Variants in TP53BP2 observed in about 807,000 individuals in gnomAD.
TP53BP2 encodes the protein apoptosis-stimulating of p53 protein 2.
Under a neutral mutation model 126.2 loss-of-function variants are expected in TP53BP2, and 62 were observed. That is an observed-to-expected ratio of 0.49 (90% CI 0.40 to 0.61). TP53BP2 has a LOEUF of 0.61. TP53BP2 is among the 20% of genes least tolerant of loss of function. The pLI, the probability that TP53BP2 is intolerant of heterozygous loss-of-function variation, is 0.00. For synonymous variants in TP53BP2, 485 were observed against 502.9 expected, an observed-to-expected ratio of 0.96 and a Z score of 0.48; for missense variants, 1,215 against 1,402.8, an observed-to-expected ratio of 0.87 and a Z score of 2.14.
chr1:223,812,022 T>C (rs1021973988), intron 3 of TP53BP2, among the ~76,000 whole-genome samples: 13 of 65,302 alleles, frequency 2.0e-4, no homozygotes, highest in African/African-American at 3.9e-4. Flanking sequence ...GTGATGTAAA[T>C]AGAGAACAAA....
intron 1 of TP53BP2, among the ~76,000 whole-genome samples, chr1:223,835,148 T>C (rs991413859): frequency 3.9e-5 from 6 of 152,238 alleles, no homozygotes; most frequent in African/African-American, 9.6e-5. Flanking sequence ...GATGTTCACA[T>C]CCTGAAGCAT....
At chr1:223,808,540 CAAA>C (rs34273651) in intron 4 of TP53BP2, among the ~76,000 whole-genome samples, 7 of 110,816 alleles carry the variant, frequency 6.3e-5, no homozygotes, top group Admixed American at 2.8e-4. Flanking sequence ...GACTCTGTAT[CAAA>C]AAAAAAAAAA....
intron 16 of TP53BP2, among the ~76,000 whole-genome samples, chr1:223,786,731 C>T (rs571928683): frequency 2.8e-4 from 43 of 151,666 alleles, no homozygotes; most frequent in African/African-American, 1.0e-3. Flanking sequence ...CTCGGCCTCC[C>T]GAATAGCTGG....
chr1:223,813,311 C>CA (rs993007145), intron 3 of TP53BP2, among the ~76,000 whole-genome samples: 8 of 152,296 alleles, frequency 5.3e-5, no homozygotes, highest in Non-Finnish European at 1.0e-4. Flanking sequence ...TTCAGGGCCC[C>CA]ACCTGGGACC....
Position 223,780,817 on chromosome 1 carries a change from T to C in TP53BP2, c.*36A>G. On this transcript the variant is annotated 3_prime_UTR_variant, in exon 18 of 18. Transcript: ENST00000343537. ...TCGTATTACTTCTTCTTAACAGAGA[T>C]TAATTCTTCATTGACTAAAATTCTG... 1 of 1,605,814 alleles carries C rather than the reference T, an allele frequency of 6.2e-7. No individual in the cohort carries two copies. The highest frequency in any genetic ancestry group is 1.8e-4 in the Middle Eastern group (1 of 5,680).
At chr1:223,807,305 G>A (rs996550010) in intron 4 of TP53BP2, among the ~76,000 whole-genome samples, 12 of 152,052 alleles carry the variant, frequency 7.9e-5, no homozygotes, top group African/African-American at 2.7e-4. Context: ...TGGTATTGAG[G>A]CACTGGCAGC....
At chr1:223,838,857 T>C (rs1348326237) in intron 1 of TP53BP2, among the ~76,000 whole-genome samples, 2 of 152,284 alleles carry the variant, frequency 1.3e-5, no homozygotes, top group Non-Finnish European at 1.5e-5. Flanking sequence ...TCTATGGTAA[T>C]ATTAGATAGA....
At chr1:223,816,055 A>G (rs1175862143) in intron 2 of TP53BP2, among the ~76,000 whole-genome samples, 2 of 152,232 alleles carry the variant, frequency 1.3e-5, no homozygotes, top group Non-Finnish European at 2.9e-5. Flanking sequence ...ATTCCTGCCT[A>G]TGTGACTCTG....
intron 1 of TP53BP2, among the ~76,000 whole-genome samples, chr1:223,835,986 G>C (rs563142258): frequency 2.6e-4 from 39 of 152,238 alleles, no homozygotes; most frequent in African/African-American, 8.9e-4. Flanking sequence ...TAAAACTGTA[G>C]GATGAATAAG....
At chr1:223,816,992 T>C (rs369737490) in intron 2 of TP53BP2, among the ~76,000 whole-genome samples, 3 of 151,126 alleles carry the variant, frequency 2.0e-5, no homozygotes, top group South Asian at 4.2e-4. Context: ...AAACCCCATC[T>C]TTACAAAAAA....
intron 1 of TP53BP2, among the ~76,000 whole-genome samples, chr1:223,830,536 C>A: frequency 1.3e-5 from 2 of 149,246 alleles, no homozygotes; most frequent in Non-Finnish European, 1.5e-5. Flanking sequence ...GGAATTTATC[C>A]TAAAAAAAAA....
rs1425686202 is a variant in TP53BP2, at chr1:223,796,774, T to TA, written c.1949-185dup. Among the ~76,000 whole-genome samples the TA allele has an allele frequency of 6.6e-6, 1 of 152,208 alleles. No individual in the cohort carries two copies. Among genetic ancestry groups the TA allele is most frequent in the Non-Finnish European group, 1.5e-5 (1 of 68,028 alleles). ...AAGCAGGGAATCCATCTTTGCATAA[T>TA]AAACTTATTACAGAATCAAAACCCC... On this transcript the variant is annotated intron_variant, in intron 12 of 17. Transcript: ENST00000343537. This position sits in a 1 kb window ranked among gnomAD's most constrained non-coding sequence, Gnocchi z 4.2.
At chr1:223,790,064 G>A (rs1571839288) in intron 15 of TP53BP2, among the ~76,000 whole-genome samples, 1 of 151,338 alleles carries the variant, frequency 6.6e-6, no homozygotes, top group East Asian at 2.0e-4. Flanking sequence ...CTGAGGTCAG[G>A]AGTTTGAGAC....
At position 223,798,458 on chromosome 1, in the gene TP53BP2, C is replaced by T. The variant is rs1363038113; in HGVS notation, c.1705G>A (p.Gly569Ser). 1.2e-6 allele frequency: 2 copies of T among 1,614,050 alleles called. No homozygotes were observed. Among genetic ancestry groups the T allele is most frequent in the African/African-American group, 2.7e-5 (2 of 74,922 alleles). The change falls in exon 12 of 18, where the codon GGC becomes AGC. Residue 569 changes from glycine (G) to serine (S), a missense_variant. By Grantham distance (56) the Gly-to-Ser change is moderately conservative. Coordinates refer to ENST00000343537, the MANE Select transcript of TP53BP2 (RefSeq NM_001031685.3). The part of the protein sequence containing the change: ...VLLSPSIPSV[G>S]QDQTLSPGSK... ...CCTGGAGAAAGGGTCTGGTCTTGGC[C>T]AACCGAAGGTATGCTGGGAGATAGC...
chr1:223,832,851 G>T (rs1663788176), intron 1 of TP53BP2, among the ~76,000 whole-genome samples: 1 of 152,158 alleles, frequency 6.6e-6, no homozygotes. Context: ...CCAGTCTTCT[G>T]CAAGAAGTGT....
intron 16 of TP53BP2, among the ~76,000 whole-genome samples, chr1:223,785,876 TG>T (rs1432233357): frequency 6.8e-6 from 1 of 147,424 alleles, no homozygotes; most frequent in East Asian, 1.9e-4. Flanking sequence ...AAAGAGAACG[TG>T]GAGTAAAAGG....
chr1:223,803,152 A>C, intron 7 of TP53BP2, 119 bp downstream of exon 7: 4 of 1,278,870 alleles, frequency 3.1e-6, no homozygotes, highest in Admixed American at 2.3e-5. Flanking sequence ...GGTTCCCCCC[A>C]CAACCTGCCT....
rs914921250 is a variant in TP53BP2 at position 223,845,785 on chromosome 1, A to AGGCGGCGGCGGC, written c.-117_-106dup. 7 of 1,150,036 alleles carry AGGCGGCGGCGGC rather than the reference A, an allele frequency of 6.1e-6. No homozygotes were observed. The highest frequency in any genetic ancestry group is 5.5e-6 in the Non-Finnish European group (5 of 914,538). 71.2% of individuals were successfully genotyped at this position (1,150,036 alleles called of 1,614,324 possible). ...AGCGAGGCCGCCCGGACCTGTTGCG[A>AGGCGGCGGCGGC]GGCGGCGGCGGCGGCAGCGGCGGCG... On this transcript the variant is annotated 5_prime_UTR_variant, in exon 1 of 18. Transcript: ENST00000343537.
chr1:223,821,670 T>A (rs923539685), intron 1 of TP53BP2, among the ~76,000 whole-genome samples: 2 of 152,202 alleles, frequency 1.3e-5, no homozygotes, highest in African/African-American at 4.8e-5. Context: ...TTATATATGC[T>A]GGACCCATAC....
Sources: allele counts gnomAD v4.1 joint callset (sites outside exome capture counted in the v4.1 genomes callset), GRCh38; gene constraint gnomAD v4.1.1; non-coding constraint Gnocchi (gnomAD v3.1); transcripts MANE v1.5; gene names NCBI Gene and HGNC (gene_info 2026-07-23, HGNC 2026-07-21).